Variants in CNTNAP5 observed in about 807,000 individuals in gnomAD.
CNTNAP5 encodes contactin-associated protein-like 5.
A neutral mutation model predicts 150.2 loss-of-function variants in CNTNAP5; 72 were observed. The ratio of observed to expected loss-of-function variants is 0.48; its 90% CI spans 0.40 to 0.58. The LOEUF (loss-of-function observed/expected upper bound fraction) is 0.58, where lower values mean the gene tolerates loss of function less well. CNTNAP5 is among the 20% of genes least tolerant of loss of function. The pLI is 0.00. For synonymous variants in CNTNAP5, 672 were observed against 619.8 expected, an observed-to-expected ratio of 1.08 and a Z score of -1.25; for missense variants, 1,636 against 1,626.2, an observed-to-expected ratio of 1.01 and a Z score of -0.10.
At chr2:124,872,942 T>C (rs1453374164) in intron 21 of CNTNAP5, among the ~76,000 whole-genome samples, 1 of 152,142 alleles carries the variant, frequency 6.6e-6, no homozygotes, top group Non-Finnish European at 1.5e-5. Context: ...ATTTTATTTC[T>C]GGTGCTTTGT....
At chr2:124,415,721 G>A (rs572836658) in intron 3 of CNTNAP5, among the ~76,000 whole-genome samples, 1 of 152,262 alleles carries the variant, frequency 6.6e-6, no homozygotes, top group East Asian at 1.9e-4. Context: ...TTAAAGATGA[G>A]GTATGATTGG....
chr2:124,835,366 G>T (rs546375905), intron 19 of CNTNAP5, among the ~76,000 whole-genome samples: 1 of 152,144 alleles, frequency 6.6e-6, no homozygotes, highest in Admixed American at 6.6e-5. Flanking sequence ...GGACCTGAAC[G>T]ACTAGATTTA....
At chr2:124,322,841 A>T (rs1344937480) in intron 3 of CNTNAP5, among the ~76,000 whole-genome samples, 1 of 152,186 alleles carries the variant, frequency 6.6e-6, no homozygotes, top group Non-Finnish European at 1.5e-5. Flanking sequence ...TGCAGTCCTC[A>T]TGCTGCCTCT....
chr2:124,423,751 G>C (rs1366720776), intron 4 of CNTNAP5, among the ~76,000 whole-genome samples: 1 of 122,186 alleles, frequency 8.2e-6, no homozygotes, highest in East Asian at 2.8e-4. Context: ...TGCAAGCTCC[G>C]CCTCCCAGGT....
intron 3 of CNTNAP5, among the ~76,000 whole-genome samples, chr2:124,358,124 G>A (rs1470688962): frequency 6.6e-6 from 1 of 152,160 alleles, no homozygotes; most frequent in Non-Finnish European, 1.5e-5. Context: ...TGGTGTATAA[G>A]AATGCTTGTG....
intron 3 of CNTNAP5, among the ~76,000 whole-genome samples, chr2:124,315,807 C>T (rs937126394): frequency 1.2e-4 from 18 of 151,400 alleles, no homozygotes; most frequent in Admixed American, 1.1e-3. Context: ...CAGTGATTAC[C>T]ACTTTAGGAA....
At chr2:124,335,741 C>A (rs1689451831) in intron 3 of CNTNAP5, among the ~76,000 whole-genome samples, 1 of 151,824 alleles carries the variant, frequency 6.6e-6, no homozygotes, top group Non-Finnish European at 1.5e-5. Context: ...TGGTAAAGGT[C>A]TCTTACCTTT....
At chr2:124,709,631 A>G (rs529840394) in intron 13 of CNTNAP5, among the ~76,000 whole-genome samples, 4 of 152,308 alleles carry the variant, frequency 2.6e-5, no homozygotes, top group East Asian at 3.9e-4. Context: ...AAGACTATGA[A>G]TCATAATTTT....
chr2:124,621,877 G>A (rs367901420), intron 12 of CNTNAP5, among the ~76,000 whole-genome samples: 11 of 152,288 alleles, frequency 7.2e-5, no homozygotes, highest in Admixed American at 3.9e-4. Context: ...AGTTGATTAC[G>A]TGATTTGTAT....
At chr2:124,512,026 A>G (rs1573425770) in intron 8 of CNTNAP5, among the ~76,000 whole-genome samples, 1 of 151,788 alleles carries the variant, frequency 6.6e-6, no homozygotes, top group East Asian at 1.9e-4. Flanking sequence ...TAGGTCTTCA[A>G]CCTATGTTAG....
At chr2:124,243,025 A>G (rs1020179517) in intron 3 of CNTNAP5, among the ~76,000 whole-genome samples, 1 of 152,134 alleles carries the variant, frequency 6.6e-6, no homozygotes, top group Non-Finnish European at 1.5e-5. Flanking sequence ...ACAAAACAGA[A>G]CTTTCCTCCC....
chr2:124,454,606 C>T (rs929272581), intron 6 of CNTNAP5, among the ~76,000 whole-genome samples: 21 of 152,106 alleles, frequency 1.4e-4, no homozygotes, highest in African/African-American at 4.1e-4. Context: ...TTCAACAGTG[C>T]GTAGAATGTT....
chr2:124,781,846 T>A (rs1573613213), intron 17 of CNTNAP5, among the ~76,000 whole-genome samples: 1 of 152,178 alleles, frequency 6.6e-6, no homozygotes, highest in African/African-American at 2.4e-5. Context: ...TTATCTCCCA[T>A]CCTTTCACAG....
At chr2:124,181,819 T>C (rs1685217118) in intron 1 of CNTNAP5, among the ~76,000 whole-genome samples, 1 of 152,194 alleles carries the variant, frequency 6.6e-6, no homozygotes, top group Non-Finnish European at 1.5e-5. Context: ...ATTTATAAGA[T>C]GGTATCATTT....
At chr2:124,460,396 T>C (rs1316763878) in intron 6 of CNTNAP5, among the ~76,000 whole-genome samples, 1 of 152,222 alleles carries the variant, frequency 6.6e-6, no homozygotes, top group African/African-American at 2.4e-5. Flanking sequence ...ATATTTGTTT[T>C]AAAGTTGCAT....
intron 13 of CNTNAP5, among the ~76,000 whole-genome samples, chr2:124,731,864 G>C (rs1680279501): frequency 6.6e-6 from 1 of 151,808 alleles, no homozygotes; most frequent in African/African-American, 2.4e-5. Context: ...GAGTGTGAGT[G>C]TATGTGTGTG....
rs1558821618 is a variant in CNTNAP5, at chr2:124,255,584, T to TAG, written c.381+13192_381+13193insGA. Among the ~76,000 whole-genome samples the TAG allele has an allele frequency of 8.9e-3, 525 of 59,062 alleles. 8 individuals are homozygous for TAG. The highest frequency in any genetic ancestry group is 0.03 in the African/African-American group (507 of 16,862). The allele number at this position is 59,062 out of a possible 152,430, so 38.7% of individuals were successfully genotyped here. On this transcript the variant is annotated intron_variant, in intron 3 of 23. Transcript: ENST00000682447. Reference sequence around the variant, plus strand: ...TAAAATAAAATAAAATAAAATAAAATAATAATTTTTTTTTAAAAAGTAAAT... The same window carrying TAG: ...TAAAATAAAATAAAATAAAATAAAATAGAATAATTTTTTTTTAAAAAGTAAAT...
At chr2:124,306,719 C>CT (rs762901729) in intron 3 of CNTNAP5, among the ~76,000 whole-genome samples, 2,169 of 64,158 alleles carry the variant, frequency 0.034, 50 homozygotes, top group African/African-American at 0.059. Context: ...CTCTCTCTTT[C>CT]TTTTTTTTTT....
intron 10 of CNTNAP5, among the ~76,000 whole-genome samples, chr2:124,541,659 G>A (rs1695387926): frequency 1.3e-5 from 2 of 152,188 alleles, no homozygotes; most frequent in East Asian, 1.9e-4. Flanking sequence ...CAAATAATAA[G>A]GAAGGGAATA....
Sources: allele counts gnomAD v4.1 joint callset (sites outside exome capture counted in the v4.1 genomes callset), GRCh38; gene constraint gnomAD v4.1.1; transcripts MANE v1.5; gene names NCBI Gene and HGNC (gene_info 2026-07-23, HGNC 2026-07-21).